The following GABBR2 variants were observed in gnomAD, a reference collection of about 807,000 sequenced individuals.
GABBR2 encodes the protein gamma-aminobutyric acid type B receptor subunit 2.
Under a neutral mutation model 105.6 loss-of-function variants are expected in GABBR2, and 23 were observed. The ratio of observed to expected loss-of-function variants is 0.22; its 90% confidence interval spans 0.16 to 0.31. The LOEUF (loss-of-function observed/expected upper bound fraction) is 0.31. GABBR2 is among the 10% of genes least tolerant of loss of function. The pLI is 1.00. For synonymous variants in GABBR2, 478 were observed against 499.7 expected, an observed-to-expected ratio of 0.96 and a Z score of 0.58; for missense variants, 734 against 1,245.5, an observed-to-expected ratio of 0.59 and a Z score of 6.18.
At chr9:98,489,309 G>GC (rs1827125825) in intron 4 of GABBR2, among the ~76,000 whole-genome samples, 1 of 152,184 alleles carries the variant, frequency 6.6e-6, no homozygotes, top group Non-Finnish European at 1.5e-5. Context: ...AGAAGAAGAG[G>GC]CTGTGATAAG....
intron 1 of GABBR2, among the ~76,000 whole-genome samples, chr9:98,689,299 T>C (rs972897174): frequency 6.6e-6 from 1 of 152,148 alleles, no homozygotes; most frequent in Non-Finnish European, 1.5e-5. Flanking sequence ...GACATGTAAC[T>C]TTAGGCAGGT....
At chr9:98,633,689 A>G (rs997955597) in intron 1 of GABBR2, among the ~76,000 whole-genome samples, 37 of 151,848 alleles carry the variant, frequency 2.4e-4, no homozygotes, top group Admixed American at 5.2e-4. Flanking sequence ...TCACCAGAAG[A>G]CAGAGCATCA....
rs755429138 is a variant in GABBR2 at position 98,362,884 on chromosome 9, TC to T, written c.1771-48del. 4.9e-6 allele frequency: 7 copies of T among 1,439,510 alleles called. No individual in the cohort carries two copies. In the Admixed American group the frequency reaches 1.7e-4, roughly 35 times the overall value. The allele number at this position is 1,439,510 out of a possible 1,614,324, so 89.2% of individuals were successfully genotyped here. ...AGGGGAGCCGATGTGAGAGACAGCT[TC>T]CCACGCAGCAACTGGGGGCCCAGGT... On this transcript the variant is annotated intron_variant, in intron 12 of 18. Coordinates refer to ENST00000259455, the MANE Select transcript of GABBR2 (RefSeq NM_005458.8).
chr9:98,593,521 G>A (rs1327446658), intron 1 of GABBR2, among the ~76,000 whole-genome samples: 1 of 152,182 alleles, frequency 6.6e-6, no homozygotes, highest in African/African-American at 2.4e-5. Context: ...CAGGGGCTGT[G>A]TGAGTCTGGG....
At chr9:98,490,603 C>CA (rs1420201378) in intron 4 of GABBR2, among the ~76,000 whole-genome samples, 3 of 152,248 alleles carry the variant, frequency 2.0e-5, no homozygotes, top group Non-Finnish European at 4.4e-5. Flanking sequence ...CCTCCCATGT[C>CA]AATTCCAGAC....
At chr9:98,634,203 T>C (rs1829850851) in intron 1 of GABBR2, among the ~76,000 whole-genome samples, 1 of 152,174 alleles carries the variant, frequency 6.6e-6, no homozygotes, top group Non-Finnish European at 1.5e-5. Flanking sequence ...CTTTGGGCCC[T>C]ACTTCAGTCT....
intron 1 of GABBR2, among the ~76,000 whole-genome samples, chr9:98,596,527 A>AG (rs1000508586): frequency 1.3e-4 from 20 of 152,112 alleles, no homozygotes; most frequent in African/African-American, 4.8e-4. Flanking sequence ...AGGAAATGGT[A>AG]GGGGGATATC....
At position 98,303,406 on chromosome 9, in the gene GABBR2, T is replaced by C. The variant is rs764328909; in HGVS notation, c.2247A>G (p.Thr749=). 4 of 1,614,096 alleles carry C rather than the reference T, an allele frequency of 2.5e-6. No homozygotes were observed. Among genetic ancestry groups the C allele is most frequent in the Non-Finnish European group, 3.4e-6 (4 of 1,180,020 alleles). ...VFVPKLITLR[T]NPDAATQNRR... ...TGTTCTGCGTTGCTGCATCTGGGTT[T>C]GTTCTCAGGGTGATGAGCTGAAAGG... The change falls in exon 16 of 19, where the codon ACA becomes ACG. Residue 749 remains threonine, a synonymous_variant. Coordinates refer to ENST00000259455, the MANE Select transcript of GABBR2 (RefSeq NM_005458.8).
At chr9:98,542,192 G>C (rs568138832) in intron 2 of GABBR2, 149 bp from the exon 3 acceptor site, 3 of 648,268 alleles carry the variant, frequency 4.6e-6, no homozygotes, top group East Asian at 2.9e-5. Flanking sequence ...TATTGTAAGA[G>C]TAACATATCA....
intron 1 of GABBR2, chr9:98,607,231 T>A: frequency 7.0e-7 from 1 of 1,437,912 alleles, no homozygotes. Context: ...ATCGACTACA[T>A]TGATAATAAA....
At chr9:98,577,416 G>A (rs1176045597) in intron 2 of GABBR2, among the ~76,000 whole-genome samples, 1 of 152,220 alleles carries the variant, frequency 6.6e-6, no homozygotes, top group East Asian at 1.9e-4. Context: ...AATTGGCAAG[G>A]AGACCAGGAA....
In GABBR2 at chr9:98,575,095, C is replaced by A. The variant is rs867332789; in HGVS notation, c.459+2840G>T. Among the ~76,000 whole-genome samples the A allele has an allele frequency of 4.2e-4, 64 of 152,242 alleles. 2 individuals carry two copies. The South Asian group carries it at 6.2e-3, about 15-fold the overall frequency. ...CATTTATAAACACCACCACCCCCCC[C>A]CAAATCTGCAAAACCCTAAGAGAGA... On this transcript the variant is annotated intron_variant, in intron 2 of 18. Coordinates refer to ENST00000259455, the MANE Select transcript of GABBR2 (RefSeq NM_005458.8).
intron 3 of GABBR2, among the ~76,000 whole-genome samples, chr9:98,533,499 G>T (rs868114596): frequency 7.2e-5 from 11 of 152,190 alleles, no homozygotes; most frequent in Non-Finnish European, 1.6e-4. Flanking sequence ...AACTGCATTT[G>T]TCCCTAAGAA....
chr9:98,708,274 C>G (rs1025070855), intron 1 of GABBR2, 143 bp downstream of exon 1: 7 of 818,530 alleles, frequency 8.6e-6, no homozygotes, highest in Non-Finnish European at 1.2e-5. Flanking sequence ...CGGGGGTGAA[C>G]ACTGGGCACC....
At chr9:98,484,233 G>A (rs987707475) in intron 4 of GABBR2, among the ~76,000 whole-genome samples, 1 of 152,254 alleles carries the variant, frequency 6.6e-6, no homozygotes, top group Non-Finnish European at 1.5e-5. Context: ...TATGACAACC[G>A]AGTTGCAAGG....
intron 1 of GABBR2, among the ~76,000 whole-genome samples, chr9:98,683,582 C>T (rs562646123): frequency 6.6e-6 from 1 of 152,208 alleles, no homozygotes; most frequent in South Asian, 2.1e-4. Context: ...CCCTCTGGCC[C>T]AGCCAATGCT....
chr9:98,585,504 GT>G (rs1421638914), intron 1 of GABBR2, among the ~76,000 whole-genome samples: 35 of 130,472 alleles, frequency 2.7e-4, no homozygotes, highest in African/African-American at 9.0e-4. Context: ...GGTGGGGGGA[GT>G]GGGGAGGGAT....
intron 5 of GABBR2, among the ~76,000 whole-genome samples, chr9:98,476,592 A>G (rs1472049475): frequency 2.0e-5 from 3 of 152,194 alleles, no homozygotes; most frequent in Non-Finnish European, 2.9e-5. Flanking sequence ...GAAACATTTT[A>G]GCTGCCCCTT....
At chr9:98,608,369 C>G (rs1829461947) in intron 1 of GABBR2, among the ~76,000 whole-genome samples, 2 of 151,890 alleles carry the variant, frequency 1.3e-5, no homozygotes, top group Non-Finnish European at 2.9e-5. Context: ...TTTTCTTTTT[C>G]TTTTTTTATT....
Sources: gnomAD v4.1 joint callset for allele counts (sites outside exome capture counted in the v4.1 genomes callset) on GRCh38, gnomAD v4.1.1 for gene constraint, MANE v1.5 for transcripts, NCBI Gene and HGNC (gene_info 2026-07-23, HGNC 2026-07-21) for gene names.